The following NCOR2 variants were observed in gnomAD, a reference collection of about 807,000 sequenced individuals.
The protein encoded by NCOR2 is CTG repeat protein 26.
In NCOR2, 81 loss-of-function variants were observed where a neutral mutation model predicts 262.9. The ratio of observed to expected loss-of-function variants is 0.31; its 90% CI spans 0.26 to 0.37. The LOEUF is 0.37. NCOR2 is among the 10% of genes least tolerant of loss of function. The pLI, the probability that NCOR2 is intolerant of heterozygous loss-of-function variation, is 1.00. For synonymous variants in NCOR2, 1,659 were observed against 1,559.3 expected (o/e 1.06, Z -1.51); for missense variants, 3,385 against 3,621.4 (o/e 0.93, Z 1.68).
intron 7 of NCOR2, 53 bp from the exon 10 acceptor site, chr12:124,438,049 C>A: frequency 1.3e-6 from 2 of 1,530,754 alleles, no homozygotes; most frequent in Non-Finnish European, 1.8e-6. Context: ...TCAGGCGCTG[C>A]ACCCCGTGCC....
chr12:124,325,897 G>A (rs182284941), intron 46 of NCOR2, among the ~76,000 whole-genome samples: 72 of 152,120 alleles, frequency 4.7e-4, no homozygotes, highest in African/African-American at 1.6e-3. Flanking sequence ...AGCCCTCCAC[G>A]CCTCCTCACT....
chr12:124,486,175 G>A (rs2047757113), intron 2 of NCOR2, among the ~76,000 whole-genome samples: 1 of 152,220 alleles, frequency 6.6e-6, no homozygotes, highest in African/African-American at 2.4e-5. Flanking sequence ...CCCTGCTGCA[G>A]CCCAGCTTGG....
intron 17 of NCOR2, 94 bp downstream of exon 19, chr12:124,385,651 C>G: frequency 6.6e-7 from 1 of 1,523,124 alleles, no homozygotes; most frequent in Non-Finnish European, 8.8e-7. Context: ...CCTCCCTGGC[C>G]CATGCCTCCT....
In NCOR2 at chr12:124,483,733, G is replaced by T; in HGVS notation, c.274C>A (p.Leu92Met). The T allele has an allele frequency of 6.2e-7, 1 of 1,611,008 alleles. No homozygotes were observed. Among genetic ancestry groups the T allele is most frequent in the East Asian group, 2.2e-5 (1 of 44,804 alleles). Residue 92 changes from leucine to methionine, a missense_variant, in exon 3 of 47, where the codon CTG becomes ATG. Leu to Met is a conservative substitution (Grantham distance 15). Transcript: ENST00000405201. The surrounding 1 kb of genome is among the most constrained non-coding windows in gnomAD (Gnocchi z 6.3). The stretch of plus-strand genomic sequence containing the variant: ...ATCTCTGACTTCCCCAGCTCGGGCA[G>T]GTATGAGTGGGACTCTGGCCGCAGG...
At chr12:124,529,655 A>T (rs1055170950) in intron 1 of NCOR2, 1 of 152,240 alleles carries the variant, frequency 6.6e-6, no homozygotes, top group East Asian at 1.9e-4. Context: ...CAGACACGAG[A>T]TTATCTCCCA....
intron 32 of NCOR2, 67 bp downstream of exon 34, chr12:124,344,530 G>A (rs1404654041): frequency 1.5e-6 from 2 of 1,343,762 alleles, no homozygotes; most frequent in Non-Finnish European, 2.0e-6. Context: ...AGCTAATGGT[G>A]GATGGGGAGG....
intron 27 of NCOR2, among the ~76,000 whole-genome samples, chr12:124,353,388 A>C (rs1375823106): frequency 6.6e-6 from 1 of 152,260 alleles, no homozygotes; most frequent in Non-Finnish European, 1.5e-5. Context: ...TAAAACCTGC[A>C]GATTTCAGAG....
intron 16 of NCOR2, among the ~76,000 whole-genome samples, chr12:124,387,552 G>A (rs1312246439): frequency 6.6e-6 from 1 of 152,204 alleles, no homozygotes; most frequent in African/African-American, 2.4e-5. Flanking sequence ...TCTGGCCCCC[G>A]TGGCGTGGGG....
chr12:124,336,489 C>T (rs1593106124), intron 38 of NCOR2: 12 of 765,264 alleles, frequency 1.6e-5, no homozygotes, highest in East Asian at 4.3e-5. Context: ...CCGGAGTAGT[C>T]GTCAGCGCGT....
In NCOR2 at chr12:124,418,229, G is replaced by A. The variant is rs976775708; in HGVS notation, c.1482+1728C>T. Among the ~76,000 whole-genome samples, 18 of 152,118 alleles carry A rather than the reference G, an allele frequency of 1.2e-4. 1 individual carries two copies. The highest frequency in any genetic ancestry group is 4.4e-5 in the Non-Finnish European group (3 of 68,036). ...AGACAAGAAAACCCTCTCCACAAAC[G>A]CAGCCACCCTTCCACGATCCCTGCG... is the stretch of plus-strand genomic sequence containing the variant. On this transcript the variant is annotated intron_variant, in intron 13 of 46. Coordinates refer to ENST00000405201, the Ensembl canonical transcript of NCOR2.
intron 22 of NCOR2, among the ~76,000 whole-genome samples, chr12:124,358,868 G>A (rs1013694568): frequency 6.6e-6 from 1 of 152,198 alleles, no homozygotes. Flanking sequence ...CACCCTACAA[G>A]GAACTGACTG....
At chr12:124,509,912 G>A (rs891749332) in intron 1 of NCOR2, among the ~76,000 whole-genome samples, 1 of 152,148 alleles carries the variant, frequency 6.6e-6, no homozygotes, top group African/African-American at 2.4e-5. Context: ...CTCGGTTTCC[G>A]GAGGAACATC....
At position 124,503,460 on chromosome 12, in the gene NCOR2, T is replaced by C. The variant is rs1349738575; in HGVS notation, c.-117-8092A>G. Among the ~76,000 whole-genome samples, 10 of 145,780 alleles carry C rather than the reference T, an allele frequency of 6.9e-5. No homozygotes were observed. On this transcript the variant is annotated intron_variant, in intron 1 of 46. Transcript: ENST00000404621. The surrounding 1 kb of genome is among the most constrained non-coding windows in gnomAD (Gnocchi z 4.3). The stretch of plus-strand genomic sequence containing the variant: ...GGATAGAGAAAGGAGGAAGGATGCA[T>C]GGACTGATGGATGGATGGATGGATG...
chr12:124,519,663 T>C (rs1019338675), intron 1 of NCOR2, among the ~76,000 whole-genome samples: 8 of 152,162 alleles, frequency 5.3e-5, no homozygotes, highest in Admixed American at 1.3e-4. Context: ...AGCAATAACA[T>C]TGTCATCCTT....
chr12:124,383,710 A>C (rs2040582235), intron 17 of NCOR2, among the ~76,000 whole-genome samples: 1 of 152,114 alleles, frequency 6.6e-6, no homozygotes, highest in Non-Finnish European at 1.5e-5. Context: ...TCCTCATAGG[A>C]CCTCTTGGAT....
In NCOR2 at chr12:124,344,456, C is replaced by T. The variant is rs555546933; in HGVS notation, c.4714+141G>A. On this transcript the variant is annotated intron_variant, in intron 32 of 46. Coordinates refer to ENST00000405201, the Ensembl canonical transcript of NCOR2. ...GGTTTGGAATCGGAGGCAGAGCCCA[C>T]GGGCCTGCAGGTGGTTTGGATGTGG... 1.4e-4 allele frequency: 109 copies of T among 761,996 alleles called. No individual in the cohort carries two copies. The Middle Eastern group carries it at 3.6e-3, about 25-fold the overall frequency. 47.2% of individuals were successfully genotyped at this position (761,996 alleles called of 1,614,324 possible).
intron 37 of NCOR2, 102 bp downstream of exon 39, chr12:124,339,904 C>CCCCCCCCAT: frequency 3.9e-6 from 3 of 776,828 alleles, no homozygotes; most frequent in Non-Finnish European, 4.0e-6. Context: ...CCCACCCACC[C>CCCCCCCCAT]ACCTCCCATA....
At chr12:124,398,238 C>T in intron 15 of NCOR2, 57 bp from the exon 18 acceptor site, 1 of 1,580,152 alleles carries the variant, frequency 6.3e-7, no homozygotes, top group Non-Finnish European at 8.7e-7. Flanking sequence ...ACTTTGCCTT[C>T]TGCCCTTTTC....
At chr12:124,409,648 T>C (rs938241579) in intron 13 of NCOR2, among the ~76,000 whole-genome samples, 2 of 151,038 alleles carry the variant, frequency 1.3e-5, no homozygotes. Context: ...TGGTCCAAGT[T>C]CCCCATGGGT....
Sources: allele counts gnomAD v4.1 joint callset (sites outside exome capture counted in the v4.1 genomes callset), GRCh38; gene constraint gnomAD v4.1.1; non-coding constraint Gnocchi (gnomAD v3.1); transcripts MANE v1.5; gene names NCBI Gene and HGNC (gene_info 2026-07-23, HGNC 2026-07-21).